Variants in MGAT5 observed in about 807,000 individuals in gnomAD.
MGAT5 encodes the protein alpha-1,6-mannosylglycoprotein 6-beta-N-acetylglucosaminyltransferase A.
A neutral mutation model predicts 94.3 loss-of-function variants in MGAT5; 30 were observed. The ratio of observed to expected loss-of-function variants is 0.32; its 90% CI spans 0.24 to 0.43. MGAT5 has a LOEUF of 0.43. Among genes scored for constraint, MGAT5 ranks in the 20% least tolerant of loss-of-function variants. The pLI is 1.00. For missense variants in MGAT5, 691 were observed against 905.5 expected (o/e 0.76, Z 3.04); for synonymous variants, 310 against 322.9 (o/e 0.96, Z 0.43).
At chr2:134,326,139 A>G (rs566457813) in intron 4 of MGAT5, among the ~76,000 whole-genome samples, 4 of 151,610 alleles carry the variant, frequency 2.6e-5, no homozygotes, top group Non-Finnish European at 4.4e-5. Flanking sequence ...TATATCAGGA[A>G]TACTTCTGTG....
At chr2:134,157,172 T>C (rs555388332) in intron 1 of MGAT5, among the ~76,000 whole-genome samples, 10 of 152,316 alleles carry the variant, frequency 6.6e-5, no homozygotes, top group Admixed American at 1.3e-4. Flanking sequence ...AAAATACTTA[T>C]AAAACTGCTA....
At chr2:134,396,292 A>AT (rs1170078916) in intron 10 of MGAT5, among the ~76,000 whole-genome samples, 3 of 152,078 alleles carry the variant, frequency 2.0e-5, no homozygotes, top group Non-Finnish European at 4.4e-5. Flanking sequence ...TGAAATGTAA[A>AT]TTTTTTCGGC....
intron 2 of MGAT5, among the ~76,000 whole-genome samples, chr2:134,285,196 CAGAAA>C (rs1236906785): frequency 6.6e-6 from 1 of 151,678 alleles, no homozygotes; most frequent in East Asian, 1.9e-4. Context: ...TTGGAAAATA[CAGAAA>C]AGAATAAGGA....
At chr2:134,179,341 A>G (rs1688625651) in intron 1 of MGAT5, among the ~76,000 whole-genome samples, 2 of 152,194 alleles carry the variant, frequency 1.3e-5, no homozygotes, top group Non-Finnish European at 2.9e-5. Flanking sequence ...AAGTTGTAGT[A>G]GTGTTGGCTG....
intron 14 of MGAT5, among the ~76,000 whole-genome samples, chr2:134,434,897 A>G (rs1406638607): frequency 6.6e-6 from 1 of 152,138 alleles, no homozygotes; most frequent in Non-Finnish European, 1.5e-5. Context: ...TGTCTCCTTC[A>G]TGTTTATATT....
chr2:134,283,013 T>C (rs544037549), intron 2 of MGAT5, among the ~76,000 whole-genome samples: 3 of 151,754 alleles, frequency 2.0e-5, no homozygotes, highest in Non-Finnish European at 4.4e-5. Flanking sequence ...AAGGACCCTT[T>C]ACTGTATCAT....
chr2:134,235,187 TCTCCCCTGCCATG>T (rs1181601464), intron 1 of MGAT5, among the ~76,000 whole-genome samples: 25 of 152,068 alleles, frequency 1.6e-4, no homozygotes, highest in Admixed American at 1.6e-3. Context: ...ACAGCCCCTG[TCTCCCCTGCCATG>T]CTCCCCGACC....
intron 10 of MGAT5, among the ~76,000 whole-genome samples, chr2:134,383,044 G>T (rs889180269): frequency 1.3e-5 from 2 of 152,152 alleles, no homozygotes; most frequent in African/African-American, 4.8e-5. Flanking sequence ...TTAAATTTGG[G>T]GTAGTCAAGG....
At chr2:134,153,200 G>A (rs775731376) in intron 1 of MGAT5, among the ~76,000 whole-genome samples, 6 of 152,012 alleles carry the variant, frequency 3.9e-5, no homozygotes, top group African/African-American at 4.8e-5. Flanking sequence ...GATTACTGGC[G>A]TGAGCCACCA....
rs912983981 is a variant in MGAT5 at position 134,189,602 on chromosome 2, G to GTTTTTTTTTTTTTTTTTTTTTTTTTT, written c.-142-64642_-142-64641insTTTTTTTTTTTTTTTTTTTTTTTTTT. The stretch of plus-strand genomic sequence containing the variant: ...AACCTCATGGCTCTAGTTTTTTTTT[G>GTTTTTTTTTTTTTTTTTTTTTTTTTT]TTTTTTTTTTTTTTTTTTAAGACAG... On this transcript the variant is annotated intron_variant, in intron 1 of 16. Coordinates refer to the MGAT5 transcript ENST00000409645. Among the ~76,000 whole-genome samples, 177 of 84,628 alleles carry GTTTTTTTTTTTTTTTTTTTTTTTTTT rather than the reference G, an allele frequency of 2.1e-3. 21 individuals carry two copies. Among genetic ancestry groups the GTTTTTTTTTTTTTTTTTTTTTTTTTT allele is most frequent in the South Asian group, 3.4e-3 (8 of 2,378 alleles). The allele number at this position is 84,628 out of a possible 152,430, so 55.5% of individuals were successfully genotyped here. A position where few individuals can be genotyped will look rare whatever the true frequency, so the allele number is the denominator to read the frequency against.
At chr2:134,227,423 C>T (rs1421349237) in intron 1 of MGAT5, among the ~76,000 whole-genome samples, 2 of 152,198 alleles carry the variant, frequency 1.3e-5, no homozygotes, top group Non-Finnish European at 2.9e-5. Flanking sequence ...CAGTGGTAAG[C>T]TTCAGAGACT....
intron 2 of MGAT5, among the ~76,000 whole-genome samples, chr2:134,305,419 C>A (rs1381088398): frequency 6.6e-6 from 1 of 152,160 alleles, no homozygotes; most frequent in Non-Finnish European, 1.5e-5. Flanking sequence ...ATGAAGAGCA[C>A]ACACCTATTT....
At position 134,268,675 on chromosome 2, in the gene MGAT5, T is replaced by C. The variant is rs1683856888; in HGVS notation, c.242-1711T>C. On this transcript the variant is annotated intron_variant, in intron 1 of 15. Transcript: ENST00000281923. This position sits in a 1 kb window ranked among gnomAD's most constrained non-coding sequence, Gnocchi z 4.1. Reference sequence around the variant, plus strand: ...AGTGAAAGGTTTTATTTTACTTATATATTTAACAGGCAGTTATGCAGTGCT... The same window carrying C: ...AGTGAAAGGTTTTATTTTACTTATACATTTAACAGGCAGTTATGCAGTGCT... 6.6e-6 allele frequency among the ~76,000 whole-genome samples: 1 copy of C among 152,252 alleles called. No individual in the cohort carries two copies. The highest frequency in any genetic ancestry group is 1.5e-5 in the Non-Finnish European group (1 of 68,042).
In MGAT5 at chr2:134,200,258, C is replaced by T. The variant is rs189178047; in HGVS notation, c.-142-54004C>T. 3.4e-4 allele frequency among the ~76,000 whole-genome samples: 52 copies of T among 151,306 alleles called. No homozygotes were observed. The East Asian group carries it at 6.7e-3, about 19-fold the overall frequency. ...CTTGGTAAGGACACCATAGTGGTCA[C>T]GCTTGAGGGGTTTAAACAGATTTTC... On this transcript the variant is annotated intron_variant, in intron 1 of 16. Coordinates refer to the MGAT5 transcript ENST00000409645.
At chr2:134,351,643 A>G (rs1428471577) in intron 9 of MGAT5, among the ~76,000 whole-genome samples, 3 of 152,178 alleles carry the variant, frequency 2.0e-5, no homozygotes, top group Non-Finnish European at 4.4e-5. Context: ...AACATGGATT[A>G]ATTTCTATTA....
intron 2 of MGAT5, among the ~76,000 whole-genome samples, chr2:134,313,714 C>T (rs1686836994): frequency 6.6e-6 from 1 of 152,064 alleles, no homozygotes; most frequent in Admixed American, 6.5e-5. Flanking sequence ...TTTATGCCCT[C>T]ACTTTTTATT....
intron 1 of MGAT5, among the ~76,000 whole-genome samples, chr2:134,199,071 A>G (rs575505050): frequency 2.6e-5 from 4 of 152,372 alleles, no homozygotes; most frequent in Non-Finnish European, 4.4e-5. Flanking sequence ...GAAAAACTAA[A>G]TGCTTCCATA....
chr2:134,163,909 G>A (rs1687851473), intron 1 of MGAT5, among the ~76,000 whole-genome samples: 1 of 152,222 alleles, frequency 6.6e-6, no homozygotes, highest in South Asian at 2.1e-4. Context: ...CAGCCATGAA[G>A]GCTGGCTTGT....
intron 1 of MGAT5, among the ~76,000 whole-genome samples, chr2:134,236,546 C>G (rs1681647847): frequency 6.6e-6 from 1 of 152,182 alleles, no homozygotes. Context: ...GACCTTCCCC[C>G]CCCTTTTGCT....
Sources: gnomAD v4.1 joint callset for allele counts (sites outside exome capture counted in the v4.1 genomes callset) on GRCh38, gnomAD v4.1.1 for gene constraint, Gnocchi (gnomAD v3.1) non-coding constraint, MANE v1.5 for transcripts, NCBI Gene and HGNC (gene_info 2026-07-23, HGNC 2026-07-21) for gene names.